The following PPFIA1 variants were observed in gnomAD, a reference collection of about 807,000 sequenced individuals.
The protein encoded by PPFIA1 is liprin-alpha-1.
In PPFIA1, 25 loss-of-function variants were observed where a neutral mutation model predicts 149.9. That is an observed-to-expected ratio of 0.17 (90% CI 0.12 to 0.23). The LOEUF is 0.23. PPFIA1 is among the 10% of genes least tolerant of loss of function. The probability of loss-of-function intolerance (pLI) is 1.00; values close to 1 mark genes in which losing one functional copy is unlikely to be tolerated. For missense variants in PPFIA1, 1,362 were observed against 1,506.5 expected, an observed-to-expected ratio of 0.90 and a Z score of 1.59; for synonymous variants, 549 against 552.8, an observed-to-expected ratio of 0.99 and a Z score of 0.10.
At chr11:70,374,773 T>G (rs1214176278) in intron 23 of PPFIA1, 145 bp from the exon 24 acceptor site, 1 of 652,856 alleles carries the variant, frequency 1.5e-6, no homozygotes, top group Non-Finnish European at 2.6e-6. Flanking sequence ...CAAATGGTTG[T>G]CTATTTAGCA....
rs148814525 is a variant in PPFIA1 at position 70,372,862 on chromosome 11, T to A, written c.3139+288T>A. On this transcript the variant is annotated intron_variant, in intron 23 of 27. Coordinates refer to ENST00000253925, the MANE Select transcript of PPFIA1 (RefSeq NM_003626.5). ...AGAGTTTTCCTTTGGTCATGCCCTGTGTACTCCTTCACTCCGAAATGCTGT... is the reference window on the plus strand; with the variant it reads ...AGAGTTTTCCTTTGGTCATGCCCTGAGTACTCCTTCACTCCGAAATGCTGT... Among the ~76,000 whole-genome samples the A allele has an allele frequency of 1.0e-3, 152 of 152,356 alleles. 1 individual carries two copies. The highest frequency in any genetic ancestry group is 3.4e-3 in the Middle Eastern group (1 of 294).
intron 2 of PPFIA1, among the ~76,000 whole-genome samples, chr11:70,295,460 C>T (rs553667274): frequency 1.4e-5 from 2 of 140,798 alleles, no homozygotes; most frequent in South Asian, 2.3e-4. Flanking sequence ...GGCAGCCGGG[C>T]AGAGGCGCCC....
intron 2 of PPFIA1, among the ~76,000 whole-genome samples, chr11:70,272,787 T>G (rs1591002720): frequency 6.6e-6 from 1 of 152,240 alleles, no homozygotes. Context: ...AAACTTGTAC[T>G]TCCCATGGAT....
intron 2 of PPFIA1, among the ~76,000 whole-genome samples, chr11:70,315,466 T>A (rs1405059426): frequency 6.6e-6 from 1 of 152,102 alleles, no homozygotes; most frequent in Non-Finnish European, 1.5e-5. Flanking sequence ...AAAACATGAT[T>A]TGCTCATTCA....
At position 70,376,534 on chromosome 11, in the gene PPFIA1, T is replaced by C. The variant is rs2057498076; in HGVS notation, c.3318T>C (p.Ala1106=). 1.2e-6 allele frequency: 2 copies of C among 1,612,534 alleles called. No homozygotes were observed. The highest frequency in any genetic ancestry group is 1.7e-6 in the Non-Finnish European group (2 of 1,178,584). ...LLQIPTQNTQ[A]RAVLEREFNN... is the part of the protein sequence containing the mutation. ...TTGTTTTTCTTTGGTTATTTCAGGC[T>C]CGTGCTGTCTTGGAAAGAGAATTTA... is the stretch of plus-strand genomic sequence containing the variant. Residue 1106 remains alanine, a splice_region_variant and synonymous_variant, in exon 25 of 28, where the codon GCT becomes GCC. Coordinates refer to ENST00000253925, the MANE Select transcript of PPFIA1 (RefSeq NM_003626.5).
At chr11:70,286,712 G>GCAGTATCTT (rs2051150019) in intron 2 of PPFIA1, among the ~76,000 whole-genome samples, 1 of 150,428 alleles carries the variant, frequency 6.6e-6, no homozygotes, top group South Asian at 2.1e-4. Flanking sequence ...GAGCCTCTCT[G>GCAGTATCTT]CAGTATCTTA....
At position 70,384,163 on chromosome 11, in the gene PPFIA1, G is replaced by T. The variant is rs2057801644; in HGVS notation, c.*1173G>T. On this transcript the variant is annotated 3_prime_UTR_variant, in exon 28 of 28. Coordinates refer to ENST00000253925, the MANE Select transcript of PPFIA1 (RefSeq NM_003626.5). ...AGCCAGCAAAGTGTGTCAGACCATG[G>T]CGTGGTATTTATTGTGCAGCAGATC... The T allele has an allele frequency of 6.6e-6, 1 of 152,172 alleles. No homozygotes were observed. Among genetic ancestry groups the T allele is most frequent in the East Asian group, 1.9e-4 (1 of 5,194 alleles). The allele number at this position is 152,172 out of a possible 1,614,324, so 9.4% of individuals were successfully genotyped here.
Position 70,326,620 on chromosome 11 carries a change from C to T in PPFIA1, c.732C>T (p.Ser244=), listed in dbSNP as rs1360656578. The stretch of plus-strand genomic sequence containing the variant: ...AGAGATCTTCTGATGGTTCTTTAAG[C>T]CACGAGGAAGACCTTGCTAAAGTAA... ...SGKRSSDGSL[S]HEEDLAKVIE... Residue 244 remains serine, a synonymous_variant, in exon 7 of 28, where the codon AGC becomes AGT. Transcript: ENST00000253925. 1 of 1,613,944 alleles carries T rather than the reference C, an allele frequency of 6.2e-7. No homozygotes were observed. The highest frequency in any genetic ancestry group is 8.5e-7 in the Non-Finnish European group (1 of 1,179,958).
At chr11:70,275,851 G>A (rs1042619785) in intron 2 of PPFIA1, among the ~76,000 whole-genome samples, 4 of 152,054 alleles carry the variant, frequency 2.6e-5, no homozygotes, top group Non-Finnish European at 4.4e-5. Flanking sequence ...GTACTCACTC[G>A]GTTGCCCAGA....
At chr11:70,310,913 G>C (rs2053224345) in intron 2 of PPFIA1, among the ~76,000 whole-genome samples, 1 of 152,130 alleles carries the variant, frequency 6.6e-6, no homozygotes, top group African/African-American at 2.4e-5. Context: ...GAGAGGCCGA[G>C]GACACACTGG....
intron 2 of PPFIA1, among the ~76,000 whole-genome samples, chr11:70,300,327 C>T (rs1398106662): frequency 1.3e-5 from 2 of 152,010 alleles, no homozygotes; most frequent in African/African-American, 4.8e-5. Flanking sequence ...GCTGATTTTA[C>T]TATTTATTCC....
chr11:70,333,000 C>T (rs748838444), intron 9 of PPFIA1: 8 of 455,750 alleles, frequency 1.8e-5, no homozygotes, highest in Non-Finnish European at 2.6e-5. Context: ...GTTATCTTTC[C>T]TGTCCCTTGT....
In PPFIA1 at chr11:70,356,222, A is replaced by T; in HGVS notation, c.2550A>T (p.Gly850=). The change falls in exon 19 of 28, where the codon GGA becomes GGT. Residue 850 remains glycine (G), a synonymous_variant. Transcript: ENST00000253925. ...QDALGLSKLG[G]QAEKNRKLQK... is the part of the protein sequence containing the mutation. Reference sequence around the variant, plus strand: ...CCTTGGGACTTAGCAAATTGGGGGGACAGGCTGAAAAAAATCGTAAACTTC... The same window carrying T: ...CCTTGGGACTTAGCAAATTGGGGGGTCAGGCTGAAAAAAATCGTAAACTTC... 1.2e-6 allele frequency: 2 copies of T among 1,613,488 alleles called. No individual in the cohort carries two copies. Among genetic ancestry groups the T allele is most frequent in the Non-Finnish European group, 1.7e-6 (2 of 1,179,910 alleles).
At chr11:70,349,016 A>G (rs760366095) in intron 16 of PPFIA1, among the ~76,000 whole-genome samples, 48 of 152,180 alleles carry the variant, frequency 3.2e-4, no homozygotes, top group Admixed American at 5.9e-4. Flanking sequence ...TTTATAGGAA[A>G]AACCACTTAG....
intron 2 of PPFIA1, among the ~76,000 whole-genome samples, chr11:70,299,556 T>C (rs573014245): frequency 6.6e-6 from 1 of 152,168 alleles, no homozygotes; most frequent in Non-Finnish European, 1.5e-5. Context: ...TGGGGTCTTC[T>C]TCCCTTCTGG....
At chr11:70,355,890 C>T (rs1328340620) in intron 18 of PPFIA1, 79 bp downstream of exon 18, 5 of 1,513,768 alleles carry the variant, frequency 3.3e-6, no homozygotes, top group Non-Finnish European at 4.5e-6. Context: ...TCAGTTCCCA[C>T]GCGGTGCTCC....
intron 2 of PPFIA1, among the ~76,000 whole-genome samples, chr11:70,300,157 C>T (rs1041629855): frequency 2.0e-5 from 3 of 152,004 alleles, no homozygotes; most frequent in African/African-American, 7.3e-5. Flanking sequence ...TGCCCTCTGC[C>T]CCTTCCCATA....
chr11:70,289,700 C>T (rs1481011719), intron 2 of PPFIA1, among the ~76,000 whole-genome samples: 1 of 152,182 alleles, frequency 6.6e-6, no homozygotes, highest in African/African-American at 2.4e-5. Context: ...TTTTAAGTAG[C>T]TGGGACTACA....
At chr11:70,350,247 A>T (rs1020988442) in intron 16 of PPFIA1, among the ~76,000 whole-genome samples, 2 of 152,216 alleles carry the variant, frequency 1.3e-5, no homozygotes, top group Admixed American at 1.3e-4. Flanking sequence ...TGTGTAATTC[A>T]TAAGTGTTTC....
Sources: gnomAD v4.1 joint callset for allele counts (sites outside exome capture counted in the v4.1 genomes callset) on GRCh38, gnomAD v4.1.1 for gene constraint, MANE v1.5 for transcripts, NCBI Gene and HGNC (gene_info 2026-07-23, HGNC 2026-07-21) for gene names.